PRRC2B: variants seen among roughly 807,000 people sequenced by gnomAD.
PRRC2B encodes protein PRRC2B.
A neutral mutation model predicts 242.3 loss-of-function variants in PRRC2B; 68 were observed. The observed-to-expected ratio is 0.28, with a 90% CI of 0.23 to 0.34. The LOEUF (loss-of-function observed/expected upper bound fraction) is 0.34, where lower values mean the gene tolerates loss of function less well. PRRC2B is among the 10% of genes least tolerant of loss of function. PRRC2B has a pLI of 1.00. For synonymous variants in PRRC2B, 1,228 were observed against 1,173.6 expected (o/e 1.05, Z -0.95); for missense variants, 2,835 against 2,954.8 (o/e 0.96, Z 0.94).
Position 131,438,971 on chromosome 9 carries a change from T to G in PRRC2B, c.397-18T>G, listed in dbSNP as rs779005747. ...AATAAGGGAGCTGGCCCTCTTCTGATTCTCTTCCTTCTTTCAGAATACAAA... is the reference window on the plus strand; with the variant it reads ...AATAAGGGAGCTGGCCCTCTTCTGAGTCTCTTCCTTCTTTCAGAATACAAA... On this transcript the variant is annotated intron_variant, in intron 4 of 31. Transcript: ENST00000683519. 34 of 1,603,532 alleles carry G rather than the reference T, an allele frequency of 2.1e-5. No individual in the cohort carries two copies. Among genetic ancestry groups the G allele is most frequent in the Non-Finnish European group, 2.9e-5 (34 of 1,172,858 alleles).
chr9:131,384,196 C>T lies in PRRC2B; in HGVS notation c.-56+10465C>T, dbSNP rs56272399. Among the ~76,000 whole-genome samples the T allele has an allele frequency of 5.7e-3, 858 of 150,364 alleles. 11 individuals are homozygous for T. The highest frequency in any genetic ancestry group is 0.02 in the African/African-American group (807 of 40,836). The stretch of plus-strand genomic sequence containing the variant: ...CCTCTGTCTGCCTCCCGTGCTCAAG[C>T]GATTCTCATCCCTCAGCCTCCTGAG... On this transcript the variant is annotated intron_variant, in intron 1 of 1. Transcript: ENST00000682525.
intron 3 of PRRC2B, among the ~76,000 whole-genome samples, chr9:131,433,687 G>A (rs1321100115): frequency 6.6e-6 from 1 of 152,216 alleles, no homozygotes; most frequent in Non-Finnish European, 1.5e-5. Flanking sequence ...TGCATCTCTG[G>A]TGGCCTCCCT....
intron 10 of PRRC2B, among the ~76,000 whole-genome samples, chr9:131,455,876 G>C (rs1471238090): frequency 2.0e-5 from 3 of 152,118 alleles, no homozygotes; most frequent in Non-Finnish European, 4.4e-5. Context: ...ACTTTGGGAG[G>C]CCGAGGCAGG....
chr9:131,487,153 T>G lies in PRRC2B; in HGVS notation c.5857-14T>G. On this transcript the variant is annotated splice_polypyrimidine_tract_variant and intron_variant, in intron 26 of 31. Coordinates refer to ENST00000683519, the MANE Select transcript of PRRC2B (RefSeq NM_013318.4). The surrounding 1 kb of genome is among the most constrained non-coding windows in gnomAD (Gnocchi z 5.3). Reference sequence around the variant, plus strand: ...CTTGCGGTTACCTCCCCGACCCCGTTTTCCCGTTCACAGGCCGCCGCTGCC... The same window carrying G: ...CTTGCGGTTACCTCCCCGACCCCGTGTTCCCGTTCACAGGCCGCCGCTGCC... The G allele has an allele frequency of 6.2e-7, 1 of 1,612,912 alleles. No homozygotes were observed. The highest frequency in any genetic ancestry group is 8.5e-7 in the Non-Finnish European group (1 of 1,179,504).
Position 131,492,178 on chromosome 9 carries a change from A to G in PRRC2B, c.6391A>G (p.Met2131Val), listed in dbSNP as rs1316720605. 2.5e-6 allele frequency: 4 copies of G among 1,613,612 alleles called. No individual in the cohort carries two copies. Among genetic ancestry groups the G allele is most frequent in the Non-Finnish European group, 2.5e-6 (3 of 1,179,638 alleles). Residue 2131 changes from methionine (M) to valine (V), a missense_variant, in exon 30 of 32, where the codon ATG becomes GTG. Physicochemically the swap from Met to Val is conservative, Grantham distance 21. Around this residue, in one of 7 missense-constraint regions of PRRC2B, gnomAD observed 574 missense variants for 626.0 expected, o/e 0.92. Coordinates refer to ENST00000683519, the MANE Select transcript of PRRC2B (RefSeq NM_013318.4). ...TGCTTGGTCTCTCTAGCCCTCTCAG[A>G]TGGAGATGAAAGGCTTCCACTTTGC... ...VLNTSREPSQ[M>V]EMKGFHFADS...
intron 1 of PRRC2B, among the ~76,000 whole-genome samples, chr9:131,420,578 A>G (rs1206422752): frequency 1.5e-5 from 2 of 132,028 alleles, no homozygotes; most frequent in South Asian, 2.5e-4. Flanking sequence ...TGCAACCTCC[A>G]CCTCTTGGGT....
chr9:131,469,583 T>A (rs1943484264), intron 13 of PRRC2B, among the ~76,000 whole-genome samples: 1 of 152,190 alleles, frequency 6.6e-6, no homozygotes, highest in South Asian at 2.1e-4. Context: ...CAGCTCAGGA[T>A]GTGCTGTAGA....
In PRRC2B at chr9:131,475,861, A is replaced by G. The variant is rs1450372134; in HGVS notation, c.3732A>G (p.Thr1244=). Residue 1244 remains threonine (T), a synonymous_variant, in exon 16 of 32, where the codon ACA becomes ACG. Coordinates refer to ENST00000683519, the MANE Select transcript of PRRC2B (RefSeq NM_013318.4). ...GGCAGGAATATGGCCCTTCCGACACATGCGGATCCCGGCGACCTACAGACA... is the reference window on the plus strand; with the variant it reads ...GGCAGGAATATGGCCCTTCCGACACGTGCGGATCCCGGCGACCTACAGACA... ...SSWQEYGPSD[T]CGSRRPTDRD... 2 of 1,613,784 alleles carry G rather than the reference A, an allele frequency of 1.2e-6. No homozygotes were observed. The highest frequency in any genetic ancestry group is 1.1e-5 in the South Asian group (1 of 91,066).
At chr9:131,390,672 T>C (rs1184782666), upstream of PRRC2B, among the ~76,000 whole-genome samples, 16 of 149,536 alleles carry the variant, frequency 1.1e-4, no homozygotes, top group Admixed American at 2.0e-4. Context: ...TTAGTAGAGA[T>C]GGGGTTTCAC....
chr9:131,373,958 C>T (rs10115089), intron 1 of PRRC2B, among the ~76,000 whole-genome samples: 3,867 of 151,484 alleles, frequency 0.026, 168 homozygotes, highest in African/African-American at 0.089. Context: ...ACTCCGGAGG[C>T]TAAGGCAGGA....
At chr9:131,477,624 G>A in intron 16 of PRRC2B, 120 bp from the exon 17 acceptor site, 1 of 636,132 alleles carries the variant, frequency 1.6e-6, no homozygotes, top group Non-Finnish European at 2.8e-6. Flanking sequence ...CCCACCCGAG[G>A]AGTCAGCTAG....
Position 131,495,766 on chromosome 9 carries a change from C to A in PRRC2B, c.6582C>A (p.Pro2194=). 1 of 1,612,256 alleles carries A rather than the reference C, an allele frequency of 6.2e-7. No individual in the cohort carries two copies. The highest frequency in any genetic ancestry group is 1.1e-5 in the South Asian group (1 of 91,056). ...CAAAACAACGAGTGGATGAGAAACC[C>A]AGCCTGGGAGCCGTGAAGCTGCAGG... ...QQAKQRVDEK[P]SLGAVKLQEA... Residue 2194 remains proline, a synonymous_variant, in exon 32 of 32, where the codon CCC becomes CCA. Transcript: ENST00000683519.
rs1307942564 is a variant in PRRC2B, at chr9:131,438,976, T to G, written c.397-13T>G. The G allele has an allele frequency of 6.2e-7, 1 of 1,607,460 alleles. No homozygotes were observed. Among genetic ancestry groups the G allele is most frequent in the Admixed American group, 1.7e-5 (1 of 59,338 alleles). ...GGGAGCTGGCCCTCTTCTGATTCTC[T>G]TCCTTCTTTCAGAATACAAATTCAG... On this transcript the variant is annotated splice_polypyrimidine_tract_variant and intron_variant, in intron 4 of 31. Coordinates refer to ENST00000683519, the MANE Select transcript of PRRC2B (RefSeq NM_013318.4).
Position 131,473,712 on chromosome 9 carries a change from A to G in PRRC2B, c.2312A>G (p.Asp771Gly). 1 of 1,613,034 alleles carries G rather than the reference A, an allele frequency of 6.2e-7. No individual in the cohort carries two copies. The highest frequency in any genetic ancestry group is 8.5e-7 in the Non-Finnish European group (1 of 1,179,508). Residue 771 changes from aspartate to glycine, a missense_variant, in exon 15 of 32, where the codon GAC (aspartate) becomes GGC (glycine). This residue lies in a region of PRRC2B where 1,536 missense variants were observed against 1,483.1 expected (regional missense o/e 1.04). Coordinates refer to ENST00000683519, the MANE Select transcript of PRRC2B (RefSeq NM_013318.4). ...AAGTCGAGTGACACCTTGGCTATGG[A>G]CATGCGTGTCAGGTGAGATGAAGCC... ...HPKSSDTLAM[D>G]MRVRNESSFS...
chr9:131,378,517 C>T (rs1054056551), intron 1 of PRRC2B, among the ~76,000 whole-genome samples: 1 of 152,054 alleles, frequency 6.6e-6, no homozygotes, highest in Non-Finnish European at 1.5e-5. Flanking sequence ...AGGTCAGGTC[C>T]CCACCTGCAA....
At chr9:131,491,188 T>A in intron 28 of PRRC2B, 2 of 468,760 alleles carry the variant, frequency 4.3e-6, no homozygotes, top group East Asian at 3.7e-5. Flanking sequence ...CTTGCCCGTT[T>A]TCTCACCACC....
chr9:131,390,781 C>CCTTT (rs1836890707), upstream of PRRC2B, among the ~76,000 whole-genome samples: 1 of 36,946 alleles, frequency 2.7e-5, no homozygotes, highest in Non-Finnish European at 5.0e-5. Flanking sequence ...TGTGCCCTAG[C>CCTTT]TTTTTTTTTT....
chr9:131,484,554 T>C (rs1943960166), intron 23 of PRRC2B, 132 bp from the exon 24 acceptor site: 2 of 651,302 alleles, frequency 3.1e-6, no homozygotes, highest in Non-Finnish European at 5.2e-6. Flanking sequence ...GGAAAAGCCA[T>C]GGATGGGTTT....
At position 131,499,466 on chromosome 9, in the gene PRRC2B, C is replaced by G. The variant is rs957661655; in HGVS notation, c.*3592C>G. The stretch of plus-strand genomic sequence containing the variant: ...CCAAGGATACCAGGATGTGTGCACT[C>G]TGTCGTGTTCTGTGATGAATGGGAA... On this transcript the variant is annotated 3_prime_UTR_variant, in exon 32 of 32. Coordinates refer to ENST00000683519, the MANE Select transcript of PRRC2B (RefSeq NM_013318.4). 6.6e-6 allele frequency: 1 copy of G among 152,274 alleles called. No individual in the cohort carries two copies. Among genetic ancestry groups the G allele is most frequent in the African/African-American group, 2.4e-5 (1 of 41,470 alleles). The allele number at this position is 152,274 out of a possible 1,614,324, so 9.4% of individuals were successfully genotyped here. A position where few individuals can be genotyped will look rare whatever the true frequency, so the allele number is the denominator to read the frequency against.
Sources: gnomAD v4.1 joint callset for allele counts (sites outside exome capture counted in the v4.1 genomes callset) on GRCh38, gnomAD v4.1.1 for gene constraint, gnomAD v4.1.1 regional missense constraint, Gnocchi (gnomAD v3.1) non-coding constraint, MANE v1.5 for transcripts, NCBI Gene and HGNC (gene_info 2026-07-23, HGNC 2026-07-21) for gene names.